The following RHOBTB3 variants were observed in gnomAD, a reference collection of about 807,000 sequenced individuals.
The protein encoded by RHOBTB3 is rho-related BTB domain-containing protein 3.
Under a neutral mutation model 67.2 loss-of-function variants are expected in RHOBTB3, and 47 were observed. The ratio of observed to expected loss-of-function variants is 0.70; its 90% confidence interval spans 0.55 to 0.89. The LOEUF (loss-of-function observed/expected upper bound fraction) is 0.89, where lower values mean the gene tolerates loss of function less well. RHOBTB3 is among the 40% of genes least tolerant of loss of function. The pLI, the probability that RHOBTB3 is intolerant of heterozygous loss-of-function variation, is 0.00. For synonymous variants in RHOBTB3, 273 were observed against 274.2 expected (o/e 1.00, Z 0.04); for missense variants, 631 against 750.0 (o/e 0.84, Z 1.85).
upstream of RHOBTB3, among the ~76,000 whole-genome samples, chr5:95,728,898 T>C (rs1260944108): frequency 6.6e-6 from 1 of 152,210 alleles, no homozygotes; most frequent in East Asian, 1.9e-4. Context: ...TCAACCTCAC[T>C]GCTCATTATA....
At chr5:95,732,666 C>T (rs1199227738) in intron 2 of RHOBTB3, 1 of 151,912 alleles carries the variant, frequency 6.6e-6, no homozygotes. Context: ...AGCCATTTGT[C>T]TTAGTGACTC....
intron 2 of RHOBTB3, chr5:95,732,605 AATTG>A (rs1347690241): frequency 9.3e-5 from 15 of 161,970 alleles, no homozygotes; most frequent in Non-Finnish European, 4.0e-5. Flanking sequence ...TAGCACTATT[AATTG>A]ATCTCTGAAA....
chr5:95,732,011 G>C lies in RHOBTB3; in HGVS notation c.155G>C (p.Arg52Pro). ...LLLNAASTVA[R>P]PVFTEYQASA... The stretch of plus-strand genomic sequence containing the variant: ...CTGAACGCGGCCAGCACGGTCGCGC[G>C]TCCGGTGTTCACCGAGTATCAGGCC... Residue 52 changes from arginine (R) to proline (P), a missense_variant, in exon 2 of 12, where the codon CGT (arginine) becomes CCT (proline). Physicochemically the swap from Arg to Pro is moderately radical, Grantham distance 103. Transcript: ENST00000379982. 1 of 1,614,200 alleles carries C rather than the reference G, an allele frequency of 6.2e-7. No individual in the cohort carries two copies. The highest frequency in any genetic ancestry group is 8.5e-7 in the Non-Finnish European group (1 of 1,180,038).
chr5:95,767,644 T>C (rs1745586391), intron 7 of RHOBTB3: 1 of 549,326 alleles, frequency 1.8e-6, no homozygotes, highest in Admixed American at 3.0e-5. Flanking sequence ...AAATGTATTT[T>C]TCTTAATTAC....
rs1231912001 is a variant in RHOBTB3, at chr5:95,731,688, C to T, written c.2+4C>T. 6.2e-7 allele frequency: 1 copy of T among 1,613,410 alleles called. No homozygotes were observed. The highest frequency in any genetic ancestry group is 2.2e-5 in the East Asian group (1 of 44,850). On this transcript the variant is annotated splice_donor_region_variant and intron_variant, in intron 1 of 11. Transcript: ENST00000379982. ...CTGCCCTTGGATTTGAGATCATGTACGTACGCGCCGCCGTCCTGCCATTGT... is the reference window on the plus strand; with the variant it reads ...CTGCCCTTGGATTTGAGATCATGTATGTACGCGCCGCCGTCCTGCCATTGT...
At chr5:95,744,532 G>A (rs1429825803) in intron 3 of RHOBTB3, among the ~76,000 whole-genome samples, 1 of 152,054 alleles carries the variant, frequency 6.6e-6, no homozygotes, top group African/African-American at 2.4e-5. Context: ...TTCAATGAGT[G>A]AATGGTTTTA....
At chr5:95,744,099 C>G (rs969552348) in intron 3 of RHOBTB3, among the ~76,000 whole-genome samples, 6 of 151,856 alleles carry the variant, frequency 4.0e-5, no homozygotes, top group African/African-American at 1.5e-4. Flanking sequence ...CTCCCCCCTT[C>G]CCCCTTTATT....
At chr5:95,760,734 T>A (rs1745371914) in intron 6 of RHOBTB3, among the ~76,000 whole-genome samples, 1 of 152,194 alleles carries the variant, frequency 6.6e-6, no homozygotes, top group South Asian at 2.1e-4. Context: ...ATCAGTAAAG[T>A]TATGCAAGAT....
intron 3 of RHOBTB3, among the ~76,000 whole-genome samples, chr5:95,742,925 GC>G (rs1173268781): frequency 6.6e-6 from 1 of 152,260 alleles, no homozygotes; most frequent in East Asian, 1.9e-4. Flanking sequence ...ACAAAAATTA[GC>G]CAGGCATGCT....
chr5:95,725,717 C>G (rs1233156431), intron 1 of RHOBTB3, among the ~76,000 whole-genome samples: 1 of 152,126 alleles, frequency 6.6e-6, no homozygotes, highest in African/African-American at 2.4e-5. Flanking sequence ...ATTCTGCCTC[C>G]AACTTCTTTG....
At position 95,788,747 on chromosome 5, in the gene RHOBTB3, T is replaced by C. The variant is rs374645052; in HGVS notation, c.1624-15T>C. ...ATTATGTGCAATATTATTTCACTTTTCATTTTTCTTGCAGTTTCACCACTC... is the reference window on the plus strand; with the variant it reads ...ATTATGTGCAATATTATTTCACTTTCCATTTTTCTTGCAGTTTCACCACTC... On this transcript the variant is annotated splice_polypyrimidine_tract_variant and intron_variant, in intron 10 of 11. Coordinates refer to ENST00000379982, the MANE Select transcript of RHOBTB3 (RefSeq NM_014899.4). 7.7e-6 allele frequency: 12 copies of C among 1,549,376 alleles called. No homozygotes were observed. The African/African-American group carries it at 1.5e-4, about 20-fold the overall frequency.
chr5:95,731,829 CT>C (rs1399532210), intron 1 of RHOBTB3, 29 bp from the exon 2 acceptor site: 6 of 1,604,616 alleles, frequency 3.7e-6, no homozygotes, highest in Non-Finnish European at 4.3e-6. Flanking sequence ...CCGTGCTTCC[CT>C]TCTCCCCTCG....
chr5:95,789,026 G>T, intron 11 of RHOBTB3, 168 bp downstream of exon 11: 1 of 527,036 alleles, frequency 1.9e-6, no homozygotes, highest in Non-Finnish European at 3.3e-6. Flanking sequence ...ATAGTCACCT[G>T]TGTTACATAA....
At chr5:95,777,322 G>C (rs371379780) in intron 8 of RHOBTB3, among the ~76,000 whole-genome samples, 1 of 152,290 alleles carries the variant, frequency 6.6e-6, no homozygotes. Flanking sequence ...ATAGTATGAA[G>C]AAAGTGTGAC....
chr5:95,751,065 C>A (rs1380243595), intron 4 of RHOBTB3, among the ~76,000 whole-genome samples: 1 of 152,158 alleles, frequency 6.6e-6, no homozygotes, highest in Admixed American at 6.5e-5. Context: ...GGGTGGGCCT[C>A]CATTTGGACT....
intron 1 of RHOBTB3, among the ~76,000 whole-genome samples, chr5:95,724,554 G>A (rs1420749201): frequency 6.6e-6 from 1 of 152,166 alleles, no homozygotes; most frequent in Non-Finnish European, 1.5e-5. Flanking sequence ...GGGGCCAATT[G>A]TCTGAATTGG....
At chr5:95,785,426 C>T (rs1347228269) in intron 10 of RHOBTB3, among the ~76,000 whole-genome samples, 3 of 146,758 alleles carry the variant, frequency 2.0e-5, no homozygotes, top group Non-Finnish European at 4.6e-5. Context: ...CCAGTCTCTA[C>T]TAAAAATACA....
chr5:95,777,723 A>G (rs1197661507), intron 8 of RHOBTB3, among the ~76,000 whole-genome samples: 1 of 152,242 alleles, frequency 6.6e-6, no homozygotes, highest in African/African-American at 2.4e-5. Flanking sequence ...TCAAAACAGT[A>G]GTTTAAAGAG....
upstream of RHOBTB3, among the ~76,000 whole-genome samples, chr5:95,730,134 C>T (rs188301485): frequency 2.8e-4 from 42 of 152,028 alleles, no homozygotes; most frequent in East Asian, 4.1e-3. Flanking sequence ...TATATCCTCT[C>T]TGAGCACGAG....
Sources: gnomAD v4.1 joint callset for allele counts (sites outside exome capture counted in the v4.1 genomes callset) on GRCh38, gnomAD v4.1.1 for gene constraint, MANE v1.5 for transcripts, NCBI Gene and HGNC (gene_info 2026-07-23, HGNC 2026-07-21) for gene names.